Variants in PARD3B observed in about 807,000 individuals in gnomAD.
The protein encoded by PARD3B is par-3 family cell polarity regulator beta, also known as partitioning defective 3 homolog B.
Under a neutral mutation model 130.2 loss-of-function variants are expected in PARD3B, and 103 were observed. The ratio of observed to expected loss-of-function variants is 0.79; its 90% CI spans 0.67 to 0.93. The LOEUF (loss-of-function observed/expected upper bound fraction) is 0.93, where lower values mean the gene tolerates loss of function less well. PARD3B is among the 40% of genes least tolerant of loss of function. The pLI, the probability that PARD3B is intolerant of heterozygous loss-of-function variation, is 0.00. For missense variants in PARD3B, 1,609 were observed against 1,499.2 expected (o/e 1.07, Z -1.21); for synonymous variants, 583 against 553.2 (o/e 1.05, Z -0.76).
chr2:204,720,081 A>G (rs185202115), intron 2 of PARD3B, among the ~76,000 whole-genome samples: 1 of 152,302 alleles, frequency 6.6e-6, no homozygotes, highest in Non-Finnish European at 1.5e-5. Context: ...GTGAAGGTCT[A>G]ATGAGAATAT....
intron 20 of PARD3B, among the ~76,000 whole-genome samples, chr2:205,496,778 AGT>A (rs1488069627): frequency 6.6e-6 from 1 of 152,036 alleles, no homozygotes; most frequent in Non-Finnish European, 1.5e-5. Flanking sequence ...ATGGAAGAAA[AGT>A]GTGTTCTTAG....
At chr2:204,728,424 A>G (rs1320571147) in intron 2 of PARD3B, among the ~76,000 whole-genome samples, 1 of 152,160 alleles carries the variant, frequency 6.6e-6, no homozygotes, top group African/African-American at 2.4e-5. Context: ...GTTCATGTGT[A>G]ATGGGCCAGC....
At chr2:205,474,712 A>G (rs1379553327) in intron 20 of PARD3B, among the ~76,000 whole-genome samples, 1 of 152,180 alleles carries the variant, frequency 6.6e-6, no homozygotes, top group East Asian at 1.9e-4. Context: ...ACATATTGCC[A>G]ACAATTTTCT....
At chr2:204,785,709 G>A (rs2041984132) in intron 2 of PARD3B, among the ~76,000 whole-genome samples, 1 of 152,154 alleles carries the variant, frequency 6.6e-6, no homozygotes, top group Non-Finnish European at 1.5e-5. Flanking sequence ...AAGCACTCAA[G>A]AAATAGAAAT....
chr2:205,121,900 A>T lies in PARD3B; in HGVS notation c.1116A>T (p.Gly372=), dbSNP rs924470026. The T allele has an allele frequency of 1.9e-6, 3 of 1,613,264 alleles. No homozygotes were observed. Among genetic ancestry groups the T allele is most frequent in the African/African-American group, 1.3e-5 (1 of 74,868 alleles). ...CTCCCTCACTCTCGCCTCTCATGGG[A>T]TTTGGCAGCAATAAAAATGCAAAGA... ...PSSPSLSPLM[G]FGSNKNAKKI... is the part of the protein sequence containing the mutation. Residue 372 remains glycine, a synonymous_variant, in exon 8 of 23, where the codon GGA becomes GGT. Coordinates refer to ENST00000406610, the MANE Select transcript of PARD3B (RefSeq NM_001302769.2). The surrounding 1 kb of genome is among the most constrained non-coding windows in gnomAD (Gnocchi z 5.0).
chr2:205,497,068 G>C (rs1437715561), intron 20 of PARD3B, among the ~76,000 whole-genome samples: 1 of 151,870 alleles, frequency 6.6e-6, no homozygotes, highest in Non-Finnish European at 1.5e-5. Flanking sequence ...TTTCCTGCCT[G>C]CCCATGGTTC....
chr2:205,323,432 C>T (rs1374672795), intron 18 of PARD3B, among the ~76,000 whole-genome samples: 2 of 152,164 alleles, frequency 1.3e-5, no homozygotes, highest in Non-Finnish European at 2.9e-5. Flanking sequence ...TTCTAAGGTA[C>T]AGTCCTGAGA....
Position 205,263,883 on chromosome 2 carries a change from C to A in PARD3B, c.2185+18061C>A, listed in dbSNP as rs539984493. ...GGAATTGCCAAAATTTAAGGATAAG[C>A]AAAGGCACAAGTAGACTATTTACTA... On this transcript the variant is annotated intron_variant, in intron 16 of 22. Coordinates refer to ENST00000406610, the MANE Select transcript of PARD3B (RefSeq NM_001302769.2). This position sits in a 1 kb window ranked among gnomAD's most constrained non-coding sequence, Gnocchi z 4.0. 6.5e-4 allele frequency among the ~76,000 whole-genome samples: 99 copies of A among 151,162 alleles called. 2 individuals carry two copies. Among genetic ancestry groups the A allele is most frequent in the African/African-American group, 2.3e-3 (93 of 41,222 alleles).
At chr2:205,103,231 ATATTT>A (rs1486972681) in intron 4 of PARD3B, among the ~76,000 whole-genome samples, 2 of 127,266 alleles carry the variant, frequency 1.6e-5, no homozygotes, top group Non-Finnish European at 3.3e-5. Context: ...TAAAATAAAC[ATATTT>A]TATATTTATG....
At chr2:205,454,472 T>C (rs941919808) in intron 20 of PARD3B, among the ~76,000 whole-genome samples, 2 of 152,094 alleles carry the variant, frequency 1.3e-5, no homozygotes, top group African/African-American at 4.8e-5. Flanking sequence ...CTGTGAAATA[T>C]CCTCTCTTCT....
At chr2:204,569,384 C>T (rs2031862028) in intron 1 of PARD3B, among the ~76,000 whole-genome samples, 1 of 152,138 alleles carries the variant, frequency 6.6e-6, no homozygotes, top group African/African-American at 2.4e-5. Context: ...ATTTGGATAG[C>T]ATAAATGTTT....
intron 15 of PARD3B, among the ~76,000 whole-genome samples, chr2:205,197,030 GGGGTGTGTGTGTGTGT>G (rs2036724890): frequency 5.9e-5 from 1 of 17,076 alleles, no homozygotes; most frequent in Non-Finnish European, 1.0e-4. Context: ...CTGTGGGGGG[GGGGTGTGTGTGTGTGT>G]GTGTGTGTGT....
At chr2:205,607,849 C>T (rs1177277797) in intron 22 of PARD3B, among the ~76,000 whole-genome samples, 17 of 151,352 alleles carry the variant, frequency 1.1e-4, no homozygotes, top group African/African-American at 3.4e-4. Context: ...CACACACACA[C>T]ACACACACAC....
At chr2:204,696,203 A>G (rs1574731632) in intron 2 of PARD3B, among the ~76,000 whole-genome samples, 1 of 151,916 alleles carries the variant, frequency 6.6e-6, no homozygotes, top group African/African-American at 2.4e-5. Flanking sequence ...AATAAAATGG[A>G]AAGTTGTGAG....
intron 20 of PARD3B, among the ~76,000 whole-genome samples, chr2:205,498,431 G>A (rs937359600): frequency 6.6e-6 from 1 of 152,032 alleles, no homozygotes; most frequent in African/African-American, 2.4e-5. Flanking sequence ...GAACCTAGGA[G>A]GCAGAGGGTG....
At chr2:204,953,085 GAGAC>G (rs1282882104) in intron 2 of PARD3B, among the ~76,000 whole-genome samples, 3 of 127,736 alleles carry the variant, frequency 2.3e-5, no homozygotes, top group Non-Finnish European at 3.2e-5. Flanking sequence ...GGGAGAGAGA[GAGAC>G]AGAGTCAATG....
At chr2:204,722,098 T>G (rs1348166720) in intron 2 of PARD3B, among the ~76,000 whole-genome samples, 2 of 152,226 alleles carry the variant, frequency 1.3e-5, no homozygotes, top group African/African-American at 2.4e-5. Flanking sequence ...ATTTCAATTA[T>G]ACTAAAATCA....
rs890513648 is a variant in PARD3B, at chr2:205,258,025, A to G, written c.2185+12203A>G. 1.3e-5 allele frequency among the ~76,000 whole-genome samples: 2 copies of G among 152,084 alleles called. No homozygotes were observed. Among genetic ancestry groups the G allele is most frequent in the Non-Finnish European group, 2.9e-5 (2 of 68,018 alleles). ...AAGCTTCACCTTTTACTTACTATAA[A>G]CTTCTCTCAATAAACTCTAACTTGA... On this transcript the variant is annotated intron_variant, in intron 16 of 22. Coordinates refer to ENST00000406610, the MANE Select transcript of PARD3B (RefSeq NM_001302769.2). This position sits in a 1 kb window ranked among gnomAD's most constrained non-coding sequence, Gnocchi z 4.9.
intron 2 of PARD3B, among the ~76,000 whole-genome samples, chr2:204,777,808 T>TTGTA (rs1407077543): frequency 1.3e-5 from 2 of 152,226 alleles, no homozygotes; most frequent in African/African-American, 4.8e-5. Flanking sequence ...TCATCTTGAA[T>TTGTA]TGTAATCCTC....
Sources: allele counts gnomAD v4.1 joint callset (sites outside exome capture counted in the v4.1 genomes callset), GRCh38; gene constraint gnomAD v4.1.1; non-coding constraint Gnocchi (gnomAD v3.1); transcripts MANE v1.5; gene names NCBI Gene and HGNC (gene_info 2026-07-23, HGNC 2026-07-21).